Variants in XKR4 observed in about 807,000 individuals in gnomAD.
The protein encoded by XKR4 is XK-related protein 4.
XKR4 carries 12 observed loss-of-function variants against 53.9 expected under a neutral mutation model. The ratio of observed to expected loss-of-function variants is 0.22; its 90% CI spans 0.14 to 0.36. The LOEUF (loss-of-function observed/expected upper bound fraction) is 0.36. Ranked by LOEUF, XKR4 falls within the 10% of genes least tolerant of loss-of-function variation. The pLI, the probability that XKR4 is intolerant of heterozygous loss-of-function variation, is 1.00. For missense variants in XKR4, 799 were observed against 859.5 expected, an observed-to-expected ratio of 0.93 and a Z score of 0.88; for synonymous variants, 354 against 362.4, an observed-to-expected ratio of 0.98 and a Z score of 0.26.
rs571894512 is a variant in XKR4 at position 55,302,919 on chromosome 8, AT to A, written c.807-54758del. On this transcript the variant is annotated intron_variant, in intron 1 of 2. Coordinates refer to ENST00000327381, the MANE Select transcript of XKR4 (RefSeq NM_052898.2). The stretch of plus-strand genomic sequence containing the variant: ...GGGCTGAGATGATGGGATTTTCTAA[AT>A]ATACAATCATGCCATCTGCAAACAG... Among the ~76,000 whole-genome samples the A allele has an allele frequency of 5.6e-3, 851 of 152,306 alleles. 9 individuals carry two copies. Among genetic ancestry groups the A allele is most frequent in the African/African-American group, 0.019 (799 of 41,562 alleles).
rs1446189583 is a variant in XKR4 at position 55,488,714 on chromosome 8, C to T, written c.1007-34567C>T. Among the ~76,000 whole-genome samples the T allele has an allele frequency of 3.9e-4, 4 of 10,254 alleles. 1 individual carries two copies. The highest frequency in any genetic ancestry group is 6.8e-4 in the Non-Finnish European group (4 of 5,850). The allele number at this position is 10,254 out of a possible 152,430, so 6.7% of individuals were successfully genotyped here. On this transcript the variant is annotated intron_variant, in intron 2 of 2. Coordinates refer to ENST00000327381, the MANE Select transcript of XKR4 (RefSeq NM_052898.2). Reference sequence around the variant, plus strand: ...CAGCACTTTGGGAGGCCGAGGCGGGCGGATCACGAGGTCAGGAGATCGAGA... The same window carrying T: ...CAGCACTTTGGGAGGCCGAGGCGGGTGGATCACGAGGTCAGGAGATCGAGA...
At chr8:55,255,404 C>T in intron 1 of XKR4, among the ~76,000 whole-genome samples, 1 of 152,106 alleles carries the variant, frequency 6.6e-6, no homozygotes, top group East Asian at 1.9e-4. Flanking sequence ...ATCATAATTT[C>T]CCACACAATT....
intron 1 of XKR4, among the ~76,000 whole-genome samples, chr8:55,195,464 G>T (rs1817493046): frequency 6.7e-6 from 1 of 149,280 alleles, no homozygotes. Context: ...ATAATATATA[G>T]CCTAAATATA....
chr8:55,184,445 G>T lies in XKR4; in HGVS notation c.806+81151G>T, dbSNP rs1427138252. ...CGCAACTTGTGCTTTTTGCCCTTTTGCTTCTCTTGTTGTAGGAATCAGAGT... is the reference window on the plus strand; with the variant it reads ...CGCAACTTGTGCTTTTTGCCCTTTTTCTTCTCTTGTTGTAGGAATCAGAGT... On this transcript the variant is annotated intron_variant, in intron 1 of 2. Transcript: ENST00000327381. 2.0e-5 allele frequency among the ~76,000 whole-genome samples: 3 copies of T among 152,082 alleles called. No individual in the cohort carries two copies. In the East Asian group the frequency reaches 5.8e-4, roughly 29 times the overall value.
intron 2 of XKR4, among the ~76,000 whole-genome samples, chr8:55,376,971 CACACAG>C (rs984068863): frequency 1.3e-5 from 2 of 151,266 alleles, no homozygotes; most frequent in African/African-American, 2.4e-5. Context: ...CACACACACA[CACACAG>C]AGAGAGAGAG....
At chr8:55,104,365 G>A (rs1310740110) in intron 1 of XKR4, among the ~76,000 whole-genome samples, 7 of 152,146 alleles carry the variant, frequency 4.6e-5, no homozygotes, top group Non-Finnish European at 7.4e-5. Flanking sequence ...TGGTATAAGC[G>A]AAATGAGGAC....
At chr8:55,393,488 G>A (rs528875488) in intron 2 of XKR4, among the ~76,000 whole-genome samples, 4 of 152,120 alleles carry the variant, frequency 2.6e-5, no homozygotes, top group Non-Finnish European at 5.9e-5. Flanking sequence ...AACAATTGTG[G>A]CAAAAATATT....
At chr8:55,365,542 T>A (rs1803967230) in intron 2 of XKR4, among the ~76,000 whole-genome samples, 1 of 151,880 alleles carries the variant, frequency 6.6e-6, no homozygotes, top group Non-Finnish European at 1.5e-5. Context: ...CCGGCTCTAC[T>A]AAAATTACAA....
chr8:55,457,819 G>T (rs925840852), intron 2 of XKR4, among the ~76,000 whole-genome samples: 31 of 152,196 alleles, frequency 2.0e-4, no homozygotes, highest in African/African-American at 7.5e-4. Flanking sequence ...ACACAGTTAG[G>T]TTTATGGATA....
intron 2 of XKR4, among the ~76,000 whole-genome samples, chr8:55,420,861 GTA>G (rs58302487): frequency 0.11 from 16,048 of 152,024 alleles, 2,135 homozygotes; most frequent in African/African-American, 0.31. Context: ...TGCTCAGATA[GTA>G]TGATAAACTA....
intron 1 of XKR4, among the ~76,000 whole-genome samples, chr8:55,220,635 C>A (rs943239606): frequency 1.3e-5 from 2 of 152,132 alleles, no homozygotes; most frequent in African/African-American, 2.4e-5. Flanking sequence ...CCCACTGGGG[C>A]CTTCCCACTG....
intron 2 of XKR4, among the ~76,000 whole-genome samples, chr8:55,467,907 T>C (rs1805806633): frequency 6.6e-6 from 1 of 152,208 alleles, no homozygotes; most frequent in Non-Finnish European, 1.5e-5. Flanking sequence ...TTATGGTTTC[T>C]ATAGTATTTT....
intron 1 of XKR4, among the ~76,000 whole-genome samples, chr8:55,341,686 GCCATTTAATTTCC>G (rs1803548816): frequency 6.6e-6 from 1 of 152,204 alleles, no homozygotes; most frequent in Admixed American, 6.5e-5. Flanking sequence ...TCAAACCGAT[GCCATTTAATTTCC>G]TCCTAACCCC....
intron 2 of XKR4, among the ~76,000 whole-genome samples, chr8:55,369,154 G>T (rs1389667403): frequency 6.6e-6 from 1 of 151,774 alleles, no homozygotes; most frequent in Non-Finnish European, 1.5e-5. Context: ...TTGAGGCCAG[G>T]AGTTTGAGAC....
At chr8:55,376,554 C>T (rs1393564664) in intron 2 of XKR4, among the ~76,000 whole-genome samples, 1 of 152,022 alleles carries the variant, frequency 6.6e-6, no homozygotes, top group African/African-American at 2.4e-5. Flanking sequence ...ATGTTCTTTG[C>T]CCACTTTTTA....
At chr8:55,412,434 C>T (rs1281833456) in intron 2 of XKR4, among the ~76,000 whole-genome samples, 1 of 152,004 alleles carries the variant, frequency 6.6e-6, no homozygotes, top group Non-Finnish European at 1.5e-5. Context: ...AGCCAAAATC[C>T]TTGAAGTGAC....
At chr8:55,131,102 T>A (rs192399807) in intron 1 of XKR4, among the ~76,000 whole-genome samples, 3 of 151,758 alleles carry the variant, frequency 2.0e-5, no homozygotes, top group Non-Finnish European at 4.4e-5. Context: ...GAGGTTGAGG[T>A]GAGCTGAGAT....
chr8:55,297,702 G>T (rs146143126), intron 1 of XKR4, among the ~76,000 whole-genome samples: 1 of 152,280 alleles, frequency 6.6e-6, no homozygotes, highest in Non-Finnish European at 1.5e-5. Flanking sequence ...TGACTACTTA[G>T]GTACATAGAT....
chr8:55,367,739 T>C (rs377720915), intron 2 of XKR4, among the ~76,000 whole-genome samples: 14 of 152,276 alleles, frequency 9.2e-5, no homozygotes, highest in African/African-American at 3.4e-4. Context: ...CTTTCATTCT[T>C]CTTTTTCCTC....
Sources: gnomAD v4.1 joint callset for allele counts (sites outside exome capture counted in the v4.1 genomes callset) on GRCh38, gnomAD v4.1.1 for gene constraint, MANE v1.5 for transcripts, NCBI Gene and HGNC (gene_info 2026-07-23, HGNC 2026-07-21) for gene names.